L3MBTL4: variants seen among roughly 807,000 people sequenced by gnomAD.
L3MBTL4 encodes L3MBTL histone methyl-lysine binding protein 4, also known as lethal(3)malignant brain tumor-like protein 4.
In L3MBTL4, 70 loss-of-function variants were observed where a neutral mutation model predicts 84.5. That is an observed-to-expected ratio of 0.83 (90% CI 0.68 to 1.01). The LOEUF (loss-of-function observed/expected upper bound fraction) is 1.01. Among genes scored for constraint, L3MBTL4 ranks in the 50% least tolerant of loss-of-function variants. The pLI, the probability that L3MBTL4 is intolerant of heterozygous loss-of-function variation, is 0.00. For missense variants in L3MBTL4, 715 were observed against 754.8 expected (o/e 0.95, Z 0.62); for synonymous variants, 274 against 259.8 (o/e 1.05, Z -0.52).
At chr18:6,139,855 G>A (rs1293452365) in intron 13 of L3MBTL4, among the ~76,000 whole-genome samples, 1 of 152,124 alleles carries the variant, frequency 6.6e-6, no homozygotes, top group Non-Finnish European at 1.5e-5. Context: ...TTCTGAGTCT[G>A]ATGCCTTGGG....
intron 1 of L3MBTL4, among the ~76,000 whole-genome samples, chr18:6,337,808 T>C (rs1410746800): frequency 1.3e-5 from 2 of 152,004 alleles, no homozygotes; most frequent in African/African-American, 2.4e-5. Flanking sequence ...CTAAGTAAGA[T>C]AACTATAAAG....
At chr18:6,320,427 C>T (rs895287873) in intron 1 of L3MBTL4, among the ~76,000 whole-genome samples, 3 of 152,036 alleles carry the variant, frequency 2.0e-5, no homozygotes, top group Non-Finnish European at 4.4e-5. Flanking sequence ...TCGGTAAAGT[C>T]TCAGGTTACA....
At chr18:6,046,033 G>A (rs1306232731) in intron 16 of L3MBTL4, among the ~76,000 whole-genome samples, 1 of 152,014 alleles carries the variant, frequency 6.6e-6, no homozygotes, top group Non-Finnish European at 1.5e-5. Flanking sequence ...AAGTAAAGAG[G>A]TGGAGAAAGA....
intron 16 of L3MBTL4, among the ~76,000 whole-genome samples, chr18:6,071,350 C>G (rs190586886): frequency 6.7e-6 from 1 of 150,334 alleles, no homozygotes; most frequent in Admixed American, 6.6e-5. Context: ...AGGATTACAC[C>G]ACTGCACTTC....
intron 12 of L3MBTL4, among the ~76,000 whole-genome samples, chr18:6,201,230 C>T (rs912787535): frequency 6.6e-6 from 1 of 152,166 alleles, no homozygotes; most frequent in Non-Finnish European, 1.5e-5. Flanking sequence ...CAGTGAATTG[C>T]TTCAATATTA....
intron 10 of L3MBTL4, among the ~76,000 whole-genome samples, chr18:6,235,353 T>C (rs1215401757): frequency 6.6e-6 from 1 of 152,114 alleles, no homozygotes; most frequent in Non-Finnish European, 1.5e-5. Context: ...AATAAAGACG[T>C]ATGTCCACAG....
At chr18:6,247,136 A>G (rs1568375907) in intron 5 of L3MBTL4, among the ~76,000 whole-genome samples, 2 of 152,200 alleles carry the variant, frequency 1.3e-5, no homozygotes, top group Non-Finnish European at 1.5e-5. Context: ...CTTTACCCCA[A>G]AATAATTTTC....
intron 16 of L3MBTL4, among the ~76,000 whole-genome samples, chr18:6,020,343 A>G (rs956925027): frequency 1.3e-5 from 2 of 151,998 alleles, no homozygotes; most frequent in East Asian, 3.9e-4. Context: ...AAGAGGAAAC[A>G]GTATGTGCAA....
At chr18:6,133,014 C>A (rs2059920639) in intron 14 of L3MBTL4, among the ~76,000 whole-genome samples, 1 of 152,142 alleles carries the variant, frequency 6.6e-6, no homozygotes, top group South Asian at 2.1e-4. Flanking sequence ...CTCTAAGGGA[C>A]AGACAAATTG....
intron 14 of L3MBTL4, among the ~76,000 whole-genome samples, chr18:6,121,844 A>C (rs2059539766): frequency 6.6e-6 from 1 of 152,240 alleles, no homozygotes; most frequent in Middle Eastern, 3.4e-3. Context: ...CAGTCTCCTT[A>C]ACAACTGATT....
At chr18:6,331,012 T>A (rs1467747585) in intron 1 of L3MBTL4, among the ~76,000 whole-genome samples, 1 of 152,100 alleles carries the variant, frequency 6.6e-6, no homozygotes, top group East Asian at 1.9e-4. Flanking sequence ...AAAAAAGAAA[T>A]ACTAGGAAAA....
chr18:6,097,597 GA>G (rs2058683778), intron 14 of L3MBTL4, among the ~76,000 whole-genome samples: 2 of 152,100 alleles, frequency 1.3e-5, no homozygotes, highest in Non-Finnish European at 2.9e-5. Context: ...ATCCTGATGT[GA>G]GGTCACAGGT....
chr18:6,160,570 A>G (rs898301732), intron 13 of L3MBTL4, among the ~76,000 whole-genome samples: 1 of 152,066 alleles, frequency 6.6e-6, no homozygotes, highest in Non-Finnish European at 1.5e-5. Context: ...AGTCTCTACT[A>G]AAAATACAAA....
intron 4 of L3MBTL4, among the ~76,000 whole-genome samples, chr18:6,290,524 TA>T (rs1430512793): frequency 4.4e-4 from 63 of 144,152 alleles, no homozygotes; most frequent in Middle Eastern, 3.6e-3. Context: ...GGAATTCTTT[TA>T]TTTTTTTTTT....
At chr18:6,087,969 G>A (rs1430667528) in intron 15 of L3MBTL4, among the ~76,000 whole-genome samples, 1 of 152,310 alleles carries the variant, frequency 6.6e-6, no homozygotes, top group Non-Finnish European at 1.5e-5. Context: ...AGATGTATAT[G>A]ATGAAATCAA....
At chr18:6,058,026 A>G (rs2057085707) in intron 16 of L3MBTL4, among the ~76,000 whole-genome samples, 1 of 152,244 alleles carries the variant, frequency 6.6e-6, no homozygotes, top group Non-Finnish European at 1.5e-5. Flanking sequence ...TAACTCAAGT[A>G]TGCTGGAACC....
At chr18:5,978,494 A>G (rs1199930714) in intron 16 of L3MBTL4, among the ~76,000 whole-genome samples, 2 of 152,158 alleles carry the variant, frequency 1.3e-5, no homozygotes, top group African/African-American at 4.8e-5. Flanking sequence ...GGCAGAGGAG[A>G]CACCATAACT....
chr18:6,336,564 T>G (rs1178783699), intron 1 of L3MBTL4, among the ~76,000 whole-genome samples: 1 of 152,196 alleles, frequency 6.6e-6, no homozygotes. Context: ...GAATTCTCAG[T>G]AAATTCGTGG....
intron 8 of L3MBTL4, among the ~76,000 whole-genome samples, chr18:6,240,491 A>T (rs957577738): frequency 6.6e-5 from 10 of 151,818 alleles, no homozygotes; most frequent in African/African-American, 2.4e-4. Flanking sequence ...CTTAGTATAA[A>T]AATACTATGA....
Sources: allele counts gnomAD v4.1 joint callset (sites outside exome capture counted in the v4.1 genomes callset), GRCh38; gene constraint gnomAD v4.1.1; transcripts MANE v1.5; gene names NCBI Gene and HGNC (gene_info 2026-07-23, HGNC 2026-07-21).